The following CRISP1 variants were observed in gnomAD, a reference collection of about 807,000 sequenced individuals.
CRISP1 encodes cysteine rich secretory protein 1.
In CRISP1, 44 loss-of-function variants were observed where a neutral mutation model predicts 33.1. The ratio of observed to expected loss-of-function variants is 1.33; its 90% CI spans 1.05 to 1.71. CRISP1 has a LOEUF of 1.71. Ranked by LOEUF, CRISP1 falls within the 40% of genes most tolerant of loss-of-function variation. CRISP1 has a pLI of 0.00. For synonymous variants in CRISP1, 103 were observed against 98.7 expected (o/e 1.04, Z -0.26); for missense variants, 390 against 301.2 (o/e 1.29, Z -2.18).
chr6:49,840,865 G>C, intron 6 of CRISP1, 33 bp downstream of exon 6: 1 of 1,514,292 alleles, frequency 6.6e-7, no homozygotes, highest in South Asian at 1.1e-5. Context: ...TTACTTTAGG[G>C]GGATATATAT....
intron 1 of CRISP1, among the ~76,000 whole-genome samples, chr6:49,874,723 C>T (rs1311516151): frequency 1.3e-5 from 2 of 152,048 alleles, no homozygotes; most frequent in African/African-American, 2.4e-5. Context: ...AAGCTGCCTT[C>T]GTCTCCAAGA....
intron 7 of CRISP1, among the ~76,000 whole-genome samples, chr6:49,835,657 A>G (rs1652094): frequency 1 from 151,701 of 152,330 alleles, 75,543 homozygotes; most frequent in Middle Eastern, 1. Context: ...GTGTAAAACA[A>G]GTTTTTATCA....
At chr6:49,836,512 T>A (rs961911384) in intron 7 of CRISP1, among the ~76,000 whole-genome samples, 26 of 151,498 alleles carry the variant, frequency 1.7e-4, no homozygotes, top group African/African-American at 6.1e-4. Flanking sequence ...ATTTTTTTTT[T>A]ATTTTTTAGT....
upstream of CRISP1, among the ~76,000 whole-genome samples, chr6:49,871,373 T>G (rs543476662): frequency 1.3e-5 from 2 of 152,232 alleles, no homozygotes; most frequent in South Asian, 4.1e-4. Context: ...GCTTCTAAAA[T>G]GGTCACTCTA....
chr6:49,873,307 A>C (rs1055042390), intron 1 of CRISP1, among the ~76,000 whole-genome samples: 6 of 152,158 alleles, frequency 3.9e-5, no homozygotes, highest in Non-Finnish European at 5.9e-5. Context: ...AGTTAGGCAA[A>C]GAAACTCGTG....
Position 49,843,563 on chromosome 6 carries a change from C to T in CRISP1, c.436-2568G>A, listed in dbSNP as rs1771062007. Among the ~76,000 whole-genome samples, 4 of 152,242 alleles carry T rather than the reference C, an allele frequency of 2.6e-5. No individual in the cohort carries two copies. In the South Asian group the frequency reaches 8.3e-4, roughly 32 times the overall value. On this transcript the variant is annotated intron_variant, in intron 5 of 7. Transcript: ENST00000335847. ...TGGCACTCTAATCTTGGACTTCCAG[C>T]CTTTGTGAATTCAATAAAATAAACT...
chr6:49,867,298 G>A (rs754132947), upstream of CRISP1, among the ~76,000 whole-genome samples: 1 of 152,008 alleles, frequency 6.6e-6, no homozygotes, highest in South Asian at 2.1e-4. Context: ...TTTTTGAATT[G>A]TCTTATTATT....
At chr6:49,865,367 T>A (rs759484978) in intron 1 of CRISP1, among the ~76,000 whole-genome samples, 1 of 152,276 alleles carries the variant, frequency 6.6e-6, no homozygotes, top group East Asian at 1.9e-4. Flanking sequence ...TAGATTTAAA[T>A]GTGAGTACCA....
At chr6:49,840,134 G>A (rs1439277317) in intron 6 of CRISP1, among the ~76,000 whole-genome samples, 1 of 152,274 alleles carries the variant, frequency 6.6e-6, no homozygotes, top group East Asian at 1.9e-4. Flanking sequence ...TATTGAACTG[G>A]CATTTGTAGT....
At chr6:49,852,833 A>G (rs1457667889) in intron 2 of CRISP1, among the ~76,000 whole-genome samples, 2 of 146,880 alleles carry the variant, frequency 1.4e-5, no homozygotes, top group East Asian at 4.0e-4. Flanking sequence ...ATTAATCGCT[A>G]TAAAGAGAAT....
chr6:49,876,494 A>G (rs1772038307), intron 1 of CRISP1, among the ~76,000 whole-genome samples: 1 of 152,144 alleles, frequency 6.6e-6, no homozygotes, highest in Non-Finnish European at 1.5e-5. Flanking sequence ...TCAAAGATCT[A>G]GAGGCAGAAA....
At chr6:49,872,517 G>T (rs1452556606) in intron 1 of CRISP1, among the ~76,000 whole-genome samples, 1 of 152,024 alleles carries the variant, frequency 6.6e-6, no homozygotes, top group African/African-American at 2.4e-5. Flanking sequence ...TTTCTTCTAG[G>T]GTTTTTATGG....
At chr6:49,857,521 G>T in intron 1 of CRISP1, 119 bp from the exon 2 acceptor site, 1 of 849,974 alleles carries the variant, frequency 1.2e-6, no homozygotes. Flanking sequence ...GAAACCTTTA[G>T]GATCCGAACA....
At chr6:49,855,830 C>G (rs921371451) in intron 2 of CRISP1, among the ~76,000 whole-genome samples, 1 of 151,924 alleles carries the variant, frequency 6.6e-6, no homozygotes, top group Non-Finnish European at 1.5e-5. Flanking sequence ...TACCTGGAGT[C>G]TGAAAAAAGA....
intron 2 of CRISP1, among the ~76,000 whole-genome samples, chr6:49,852,391 A>G (rs1267108650): frequency 6.6e-6 from 1 of 152,130 alleles, no homozygotes; most frequent in Non-Finnish European, 1.5e-5. Flanking sequence ...CCAGGTTCAT[A>G]CTTTGGACCA....
intron 1 of CRISP1, among the ~76,000 whole-genome samples, chr6:49,874,342 T>C (rs1771987524): frequency 6.6e-6 from 1 of 152,104 alleles, no homozygotes; most frequent in African/African-American, 2.4e-5. Context: ...TGATTTCAGA[T>C]AACTAAAAAC....
chr6:49,837,050 T>G (rs191307311), intron 7 of CRISP1, among the ~76,000 whole-genome samples: 1 of 152,188 alleles, frequency 6.6e-6, no homozygotes, highest in African/African-American at 2.4e-5. Context: ...GTTGTTTTCT[T>G]TTATCTGTTG....
At chr6:49,852,419 T>C (rs1360537835) in intron 2 of CRISP1, among the ~76,000 whole-genome samples, 11 of 152,158 alleles carry the variant, frequency 7.2e-5, no homozygotes, top group Admixed American at 6.6e-4. Flanking sequence ...GCACTTTTTA[T>C]TGGGCAATAA....
At chr6:49,850,283 G>A (rs1771310985) in intron 3 of CRISP1, among the ~76,000 whole-genome samples, 1 of 151,982 alleles carries the variant, frequency 6.6e-6, no homozygotes, top group Non-Finnish European at 1.5e-5. Context: ...AAACTTACCG[G>A]AACTGGAACT....
Sources: allele counts gnomAD v4.1 joint callset (sites outside exome capture counted in the v4.1 genomes callset), GRCh38; gene constraint gnomAD v4.1.1; transcripts MANE v1.5; gene names NCBI Gene and HGNC (gene_info 2026-07-23, HGNC 2026-07-21).